The following PTPRD variants were observed in gnomAD, a reference collection of about 807,000 sequenced individuals.
PTPRD encodes receptor-type tyrosine-protein phosphatase delta.
Under a neutral mutation model 214.5 loss-of-function variants are expected in PTPRD, and 34 were observed. That is an observed-to-expected ratio of 0.16 (90% CI 0.12 to 0.21). The LOEUF is 0.21. PTPRD is among the 10% of genes least tolerant of loss of function. PTPRD has a pLI of 1.00. For missense variants in PTPRD, 2,545 were observed against 2,398.7 expected (o/e 1.06, Z -1.27); for synonymous variants, 1,128 against 845.7 (o/e 1.33, Z -5.79).
At chr9:8,584,112 C>T (rs2093431994) in intron 14 of PTPRD, among the ~76,000 whole-genome samples, 1 of 152,052 alleles carries the variant, frequency 6.6e-6, no homozygotes, top group African/African-American at 2.4e-5. Context: ...CATGATTGTG[C>T]CACTGCATTC....
intron 2 of PTPRD, among the ~76,000 whole-genome samples, chr9:10,403,216 G>A (rs897342047): frequency 1.2e-4 from 7 of 58,212 alleles, no homozygotes; most frequent in Non-Finnish European, 2.5e-4. Context: ...TGTTATTTGT[G>A]TGTGTGTGTA....
chr9:8,708,287 G>A (rs188962060), intron 12 of PTPRD, among the ~76,000 whole-genome samples: 30 of 152,256 alleles, frequency 2.0e-4, no homozygotes, highest in Admixed American at 1.7e-3. Context: ...TGGTGAGGAT[G>A]TGGAGAAAAG....
Position 9,989,571 on chromosome 9 carries a change from C to T in PTPRD, c.-472+44147G>A, listed in dbSNP as rs117608171. On this transcript the variant is annotated intron_variant, in intron 4 of 45. Transcript: ENST00000381196. ...CTCCCCTTCTTGCCGAGAGCCACTT[C>T]CTCTGCTCACTAAAATCTTCCATAT... Among the ~76,000 whole-genome samples the T allele has an allele frequency of 5.8e-3, 889 of 152,224 alleles. 4 individuals are homozygous for T. Among genetic ancestry groups the T allele is most frequent in the Middle Eastern group, 0.014 (4 of 294 alleles).
chr9:8,948,251 C>G (rs2099078025), intron 11 of PTPRD, among the ~76,000 whole-genome samples: 1 of 148,384 alleles, frequency 6.7e-6, no homozygotes, highest in African/African-American at 2.5e-5. Context: ...ATCTCTTGAC[C>G]TTGTGATCTG....
intron 7 of PTPRD, among the ~76,000 whole-genome samples, chr9:9,625,955 A>G (rs1319173370): frequency 6.6e-6 from 1 of 152,178 alleles, no homozygotes; most frequent in Non-Finnish European, 1.5e-5. Context: ...CTTGTGGGCC[A>G]TAAACTTTTG....
chr9:8,765,943 C>A (rs966509985), intron 11 of PTPRD, among the ~76,000 whole-genome samples: 15 of 152,064 alleles, frequency 9.9e-5, no homozygotes, highest in Admixed American at 2.6e-4. Flanking sequence ...TAAGACTCCT[C>A]TGGTCAACAA....
At chr9:9,305,607 C>T (rs1437188710) in intron 9 of PTPRD, among the ~76,000 whole-genome samples, 1 of 152,056 alleles carries the variant, frequency 6.6e-6, no homozygotes, top group African/African-American at 2.4e-5. Context: ...CCACCTAGAA[C>T]CTCAGAACAC....
intron 2 of PTPRD, among the ~76,000 whole-genome samples, chr9:10,578,300 G>A (rs2070298995): frequency 6.6e-6 from 1 of 152,008 alleles, no homozygotes; most frequent in Non-Finnish European, 1.5e-5. Context: ...TTTGAGTTTA[G>A]GAAGATATTG....
chr9:9,242,154 A>T (rs1328405120), intron 9 of PTPRD, among the ~76,000 whole-genome samples: 1 of 152,100 alleles, frequency 6.6e-6, no homozygotes, highest in African/African-American at 2.4e-5. Context: ...CTTTCCTTTA[A>T]GAATGTTGAA....
rs75362464 is a variant in PTPRD at position 9,205,910 on chromosome 9, A to G, written c.-202-22547T>C. Among the ~76,000 whole-genome samples the G allele has an allele frequency of 3.0e-3, 458 of 152,340 alleles. 2 individuals are homozygous for G. Among genetic ancestry groups the G allele is most frequent in the African/African-American group, 0.01 (427 of 41,570 alleles). ...TAACAAATCATTATTTCAGTTTGTCATTAAGTGACTTGAAGGGGAGAGCAT... is the reference window on the plus strand; with the variant it reads ...TAACAAATCATTATTTCAGTTTGTCGTTAAGTGACTTGAAGGGGAGAGCAT... On this transcript the variant is annotated intron_variant, in intron 9 of 45. Coordinates refer to ENST00000381196, the MANE Select transcript of PTPRD (RefSeq NM_002839.4).
intron 3 of PTPRD, among the ~76,000 whole-genome samples, chr9:10,312,921 G>T (rs1474271510): frequency 6.6e-6 from 1 of 151,768 alleles, no homozygotes; most frequent in Non-Finnish European, 1.5e-5. Context: ...ACACATTCTT[G>T]GTAACTATAA....
At chr9:9,852,996 T>C (rs1402870501) in intron 5 of PTPRD, among the ~76,000 whole-genome samples, 1 of 152,204 alleles carries the variant, frequency 6.6e-6, no homozygotes, top group East Asian at 1.9e-4. Context: ...CTAAATAGGA[T>C]CACCCTTATA....
At chr9:9,818,065 A>G (rs1456736622) in intron 5 of PTPRD, among the ~76,000 whole-genome samples, 1 of 152,200 alleles carries the variant, frequency 6.6e-6, no homozygotes, top group Non-Finnish European at 1.5e-5. Flanking sequence ...ACAGTGGCTT[A>G]TGTTTGGATA....
At chr9:9,456,541 AG>A (rs2093029244) in intron 8 of PTPRD, among the ~76,000 whole-genome samples, 1 of 151,816 alleles carries the variant, frequency 6.6e-6, no homozygotes, top group African/African-American at 2.4e-5. Flanking sequence ...GAAAGAATAT[AG>A]AGTTAAAAAT....
chr9:9,836,132 T>C (rs766400517), intron 5 of PTPRD, among the ~76,000 whole-genome samples: 14 of 152,068 alleles, frequency 9.2e-5, no homozygotes, highest in Non-Finnish European at 1.9e-4. Context: ...TTTGGACAAA[T>C]GTTTAAGGAA....
chr9:10,509,124 G>C lies in PTPRD; in HGVS notation c.-600+103274C>G, dbSNP rs926149263. On this transcript the variant is annotated intron_variant, in intron 2 of 45. Transcript: ENST00000381196. ...TTAGGGGGATATAATAAATATCTAT[G>C]CACATATTATATATGCAGGTAAACT... is the stretch of plus-strand genomic sequence containing the variant. Among the ~76,000 whole-genome samples, 10 of 151,924 alleles carry C rather than the reference G, an allele frequency of 6.6e-5. No individual in the cohort carries two copies. The South Asian group carries it at 1.7e-3, about 25-fold the overall frequency.
intron 11 of PTPRD, among the ~76,000 whole-genome samples, chr9:8,831,511 A>T (rs1342767184): frequency 6.6e-6 from 1 of 152,230 alleles, no homozygotes; most frequent in Admixed American, 6.5e-5. Context: ...ACAATTAAAA[A>T]GCAAATCCCA....
At chr9:9,850,807 G>A (rs1425316065) in intron 5 of PTPRD, among the ~76,000 whole-genome samples, 1 of 151,842 alleles carries the variant, frequency 6.6e-6, no homozygotes, top group Non-Finnish European at 1.5e-5. Flanking sequence ...TATATCCTTT[G>A]ACCAACTCTG....
chr9:9,249,881 T>C (rs1001977884), intron 9 of PTPRD, among the ~76,000 whole-genome samples: 1 of 152,110 alleles, frequency 6.6e-6, no homozygotes, highest in African/African-American at 2.4e-5. Context: ...TTTCAGGTAA[T>C]GAATTATAGT....
Sources: gnomAD v4.1 joint callset for allele counts (sites outside exome capture counted in the v4.1 genomes callset) on GRCh38, gnomAD v4.1.1 for gene constraint, MANE v1.5 for transcripts, NCBI Gene and HGNC (gene_info 2026-07-23, HGNC 2026-07-21) for gene names.